Variants in RAB28 observed in about 807,000 individuals in gnomAD.
The protein encoded by RAB28 is ras-related protein Rab-28.
RAB28 carries 24 observed loss-of-function variants against 31.7 expected under a neutral mutation model. The observed-to-expected ratio is 0.76, with a 90% CI of 0.55 to 1.06. The LOEUF (loss-of-function observed/expected upper bound fraction) is 1.06, where lower values mean the gene tolerates loss of function less well. RAB28 is among the 50% of genes least tolerant of loss of function. The pLI is 0.00. For missense variants in RAB28, 254 were observed against 258.5 expected, an observed-to-expected ratio of 0.98 and a Z score of 0.12; for synonymous variants, 100 against 90.4, an observed-to-expected ratio of 1.11 and a Z score of -0.60.
chr4:13,399,635 A>G (rs1336171189), intron 4 of RAB28, among the ~76,000 whole-genome samples: 3 of 152,244 alleles, frequency 2.0e-5, no homozygotes, highest in African/African-American at 2.4e-5. Context: ...TCTAGAAAGC[A>G]TAAGAATCTC....
At chr4:13,391,691 G>A (rs999480872) in intron 4 of RAB28, among the ~76,000 whole-genome samples, 1 of 152,158 alleles carries the variant, frequency 6.6e-6, no homozygotes, top group African/African-American at 2.4e-5. Context: ...TTAAGAAAAT[G>A]TGGCACATAT....
chr4:13,419,801 A>G (rs1434271110), intron 4 of RAB28, among the ~76,000 whole-genome samples: 1 of 152,210 alleles, frequency 6.6e-6, no homozygotes, highest in Non-Finnish European at 1.5e-5. Context: ...AGAAAGCAGG[A>G]AAGATCTAAA....
intron 4 of RAB28, among the ~76,000 whole-genome samples, chr4:13,426,234 T>G (rs1011816822): frequency 2.6e-5 from 4 of 152,136 alleles, no homozygotes; most frequent in Non-Finnish European, 5.9e-5. Context: ...TGCAAAAGCC[T>G]TACTGAGGAA....
chr4:13,473,356 T>C (rs1171171867), intron 3 of RAB28, among the ~76,000 whole-genome samples: 3 of 151,840 alleles, frequency 2.0e-5, no homozygotes, highest in East Asian at 1.9e-4. Flanking sequence ...ATGTAGAAGA[T>C]ACACACTAAT....
intron 6 of RAB28, chr4:13,370,009 T>G (rs746335676): frequency 2.3e-5 from 28 of 1,234,014 alleles, no homozygotes; most frequent in Non-Finnish European, 3.0e-5. Context: ...AAAAAAGAAT[T>G]AAAAAAAAAA....
chr4:13,460,620 G>A, intron 4 of RAB28, 79 bp downstream of exon 4: 1 of 1,549,360 alleles, frequency 6.5e-7, no homozygotes, highest in Non-Finnish European at 8.9e-7. Context: ...TATAAATTGG[G>A]GGTGGTGGGG....
intron 4 of RAB28, among the ~76,000 whole-genome samples, chr4:13,383,427 T>C (rs1729219383): frequency 6.6e-6 from 1 of 152,338 alleles, no homozygotes; most frequent in Non-Finnish European, 1.5e-5. Context: ...CAAAAGTTTT[T>C]TTCCTAACAA....
intron 4 of RAB28, among the ~76,000 whole-genome samples, chr4:13,412,571 G>C (rs1488554009): frequency 1.3e-5 from 2 of 152,198 alleles, no homozygotes; most frequent in East Asian, 3.9e-4. Flanking sequence ...GGGAAGATTT[G>C]GGGGAGTAGG....
At chr4:13,393,661 T>C (rs1729742827) in intron 4 of RAB28, among the ~76,000 whole-genome samples, 1 of 151,952 alleles carries the variant, frequency 6.6e-6, no homozygotes, top group Non-Finnish European at 1.5e-5. Context: ...GTTTTCTGAT[T>C]ATGACATTTT....
intron 4 of RAB28, among the ~76,000 whole-genome samples, chr4:13,409,734 C>G (rs1273766460): frequency 6.6e-6 from 1 of 152,180 alleles, no homozygotes; most frequent in East Asian, 1.9e-4. Context: ...ATAAATCATG[C>G]AAAATGTCTC....
chr4:13,437,438 T>A (rs762439117), intron 4 of RAB28, among the ~76,000 whole-genome samples: 1 of 151,954 alleles, frequency 6.6e-6, no homozygotes, highest in African/African-American at 2.4e-5. Context: ...ACCTACAGAA[T>A]GAGAGAAAAT....
At chr4:13,446,597 G>C (rs754927515) in intron 4 of RAB28, among the ~76,000 whole-genome samples, 1 of 152,160 alleles carries the variant, frequency 6.6e-6, no homozygotes, top group Admixed American at 6.5e-5. Flanking sequence ...CCCTAGGCTG[G>C]GGGAGGGGGA....
chr4:13,401,106 GT>G (rs978728684), intron 4 of RAB28, among the ~76,000 whole-genome samples: 11 of 151,940 alleles, frequency 7.2e-5, no homozygotes, highest in Admixed American at 7.2e-4. Context: ...AACACCTTTG[GT>G]TTTCTGGAAA....
chr4:13,447,756 CTA>C (rs1257637092), intron 4 of RAB28, among the ~76,000 whole-genome samples: 2 of 151,900 alleles, frequency 1.3e-5, no homozygotes, highest in Non-Finnish European at 2.9e-5. Context: ...GTATATGTAC[CTA>C]TCCATCATAT....
intron 4 of RAB28, among the ~76,000 whole-genome samples, chr4:13,387,239 CTTAAAAG>C (rs1289706629): frequency 2.6e-5 from 4 of 151,918 alleles, no homozygotes; most frequent in Admixed American, 6.6e-5. Flanking sequence ...TATCCACGAA[CTTAAAAG>C]TTAAAAGAAA....
intron 4 of RAB28, among the ~76,000 whole-genome samples, chr4:13,400,229 T>C (rs1007479629): frequency 5.3e-5 from 8 of 152,202 alleles, no homozygotes; most frequent in African/African-American, 1.7e-4. Context: ...TTCCCTATTG[T>C]CTTTATAAAA....
At chr4:13,378,568 A>C (rs527638147) in intron 5 of RAB28, among the ~76,000 whole-genome samples, 1 of 152,246 alleles carries the variant, frequency 6.6e-6, no homozygotes, top group Admixed American at 6.5e-5. Context: ...AGATAAAAGA[A>C]GTCATAATAT....
chr4:13,440,824 C>A (rs1323672178), intron 4 of RAB28, among the ~76,000 whole-genome samples: 1 of 151,216 alleles, frequency 6.6e-6, no homozygotes, highest in African/African-American at 2.4e-5. Flanking sequence ...CTATGACTAG[C>A]GCTGTAAGAA....
chr4:13,421,889 A>G (rs1024337568), intron 4 of RAB28, among the ~76,000 whole-genome samples: 3 of 152,226 alleles, frequency 2.0e-5, no homozygotes, highest in South Asian at 2.1e-4. Flanking sequence ...GCAAAAGCCA[A>G]AATTGACAAA....
Sources: allele counts gnomAD v4.1 joint callset (sites outside exome capture counted in the v4.1 genomes callset), GRCh38; gene constraint gnomAD v4.1.1; transcripts MANE v1.5; gene names NCBI Gene and HGNC (gene_info 2026-07-23, HGNC 2026-07-21).